DDX18: variants seen among roughly 807,000 people sequenced by gnomAD.
DDX18 encodes the protein DEAD-box helicase 18.
DDX18 carries 23 observed loss-of-function variants against 73.5 expected under a neutral mutation model. The observed-to-expected ratio is 0.31, with a 90% CI of 0.23 to 0.44. The LOEUF (loss-of-function observed/expected upper bound fraction) is 0.44. DDX18 is among the 20% of genes least tolerant of loss of function. DDX18 has a pLI of 1.00. For missense variants in DDX18, 753 were observed against 792.9 expected, an observed-to-expected ratio of 0.95 and a Z score of 0.60; for synonymous variants, 268 against 282.7, an observed-to-expected ratio of 0.95 and a Z score of 0.52.
intron 10 of DDX18, 33 bp from the exon 11 acceptor site, chr2:117,826,236 T>G (rs575659167): frequency 1.9e-6 from 3 of 1,591,428 alleles, no homozygotes; most frequent in South Asian, 2.2e-5. Flanking sequence ...TGGAAGTCAC[T>G]GCGTTAACTC....
chr2:117,830,547 C>CT (rs761579072), intron 13 of DDX18, 35 bp from the exon 14 acceptor site: 1 of 1,598,922 alleles, frequency 6.3e-7, no homozygotes, highest in South Asian at 1.1e-5. Flanking sequence ...AGTTCATTAT[C>CT]TTTTTTGCTT....
chr2:117,815,013 G>C (rs1477694043), intron 1 of DDX18, 151 bp downstream of exon 1: 6 of 723,864 alleles, frequency 8.3e-6, no homozygotes, highest in Non-Finnish European at 1.4e-5. Context: ...CTTCCACTCG[G>C]GACCCGCGCT....
At chr2:117,825,737 T>C (rs1558734317) in intron 10 of DDX18, 138 bp downstream of exon 10, 9 of 1,053,010 alleles carry the variant, frequency 8.5e-6, no homozygotes, top group Admixed American at 5.2e-5. Context: ...ATTTCTCTGG[T>C]ATTGAAAAGT....
At chr2:117,815,032 C>T (rs1218312488) in intron 1 of DDX18, 170 bp downstream of exon 1, 3 of 642,432 alleles carry the variant, frequency 4.7e-6, no homozygotes, top group African/African-American at 3.6e-5. Flanking sequence ...CTGCTGCCCA[C>T]TCGTCGCGTG....
chr2:117,825,131 C>T (rs1255811215), intron 9 of DDX18, 30 bp downstream of exon 9: 7 of 1,595,406 alleles, frequency 4.4e-6, no homozygotes, highest in Non-Finnish European at 6.0e-6. Flanking sequence ...TCATTGAAAA[C>T]AGGGTATGCT....
Position 117,831,821 on chromosome 2 carries a change from C to G in DDX18, c.*1097C>G, listed in dbSNP as rs1680030470. ...TTTTCGTTGTAGGAGCACTTGATTT[C>G]TAGTGTGTTTTGTACAGTATATAAC... is the stretch of plus-strand genomic sequence containing the variant. On this transcript the variant is annotated 3_prime_UTR_variant, in exon 14 of 14. Coordinates refer to ENST00000263239, the MANE Select transcript of DDX18 (RefSeq NM_006773.4). The G allele has an allele frequency of 6.6e-6, 1 of 152,142 alleles. No homozygotes were observed. The highest frequency in any genetic ancestry group is 2.4e-5 in the African/African-American group (1 of 41,426). 9.4% of individuals were successfully genotyped at this position (152,142 alleles called of 1,614,324 possible).
rs752740161 is a variant in DDX18 at position 117,824,562 on chromosome 2, G to A, written c.1067-7G>A. Reference sequence around the variant, plus strand: ...ATTGGGGTTATTTTTATATGTATCTGTTTCAGCACGTAGACAGACTATGCT... The same window carrying A: ...ATTGGGGTTATTTTTATATGTATCTATTTCAGCACGTAGACAGACTATGCT... On this transcript the variant is annotated splice_polypyrimidine_tract_variant and splice_region_variant and intron_variant, in intron 7 of 13. Coordinates refer to ENST00000263239, the MANE Select transcript of DDX18 (RefSeq NM_006773.4). 20 of 1,395,452 alleles carry A rather than the reference G, an allele frequency of 1.4e-5. No homozygotes were observed. Among genetic ancestry groups the A allele is most frequent in the Non-Finnish European group, 1.9e-5 (20 of 1,068,996 alleles). 86.4% of individuals were successfully genotyped at this position (1,395,452 alleles called of 1,614,324 possible).
chr2:117,828,134 T>C (rs1337652747), intron 11 of DDX18: 1 of 152,242 alleles, frequency 6.6e-6, no homozygotes, highest in African/African-American at 2.4e-5. Context: ...TTTTGAGAAG[T>C]GTGTGTTCAT....
chr2:117,829,103 C>A, intron 12 of DDX18, 98 bp downstream of exon 12: 4 of 1,235,938 alleles, frequency 3.2e-6, no homozygotes, highest in Non-Finnish European at 4.7e-6. Flanking sequence ...TGAAGTCTAC[C>A]CTGTCCTAAA....
intron 2 of DDX18, among the ~76,000 whole-genome samples, chr2:117,818,581 C>T (rs755037758): frequency 6.6e-6 from 1 of 152,210 alleles, no homozygotes; most frequent in Non-Finnish European, 1.5e-5. Context: ...ATTGCCTTCA[C>T]AATTCTTGTT....
intron 8 of DDX18, 37 bp downstream of exon 8, chr2:117,824,745 T>C: frequency 6.8e-7 from 1 of 1,475,044 alleles, no homozygotes; most frequent in Non-Finnish European, 9.0e-7. Flanking sequence ...GTAGGGATCT[T>C]ACTTGGTGTT....
rs1487337917 is a variant in DDX18 at position 117,831,806 on chromosome 2, A to G, written c.*1082A>G. ...TTTAGTCAGATGAGTTTTTCGTTGT[A>G]GGAGCACTTGATTTCTAGTGTGTTT... On this transcript the variant is annotated 3_prime_UTR_variant, in exon 14 of 14. Transcript: ENST00000263239. The G allele has an allele frequency of 6.6e-6, 1 of 152,358 alleles. No individual in the cohort carries two copies. The highest frequency in any genetic ancestry group is 3.4e-3 in the Middle Eastern group (1 of 294). 9.4% of individuals were successfully genotyped at this position (152,358 alleles called of 1,614,324 possible).
Position 117,814,754 on chromosome 2 carries a change from T to C in DDX18, c.-24T>C. 4 of 1,613,410 alleles carry C rather than the reference T, an allele frequency of 2.5e-6. No homozygotes were observed. Among genetic ancestry groups the C allele is most frequent in the African/African-American group, 1.3e-5 (1 of 75,028 alleles). On this transcript the variant is annotated 5_prime_UTR_variant, in exon 1 of 14. Transcript: ENST00000263239. ...TGAGTAGCTGTACTGTGTGGCGCCT[T>C]ATTCTAGGCACTTGTTGGGCAGAAT...
intron 1 of DDX18, among the ~76,000 whole-genome samples, chr2:117,816,594 C>T (rs1335328024): frequency 1.3e-5 from 2 of 152,126 alleles, no homozygotes; most frequent in African/African-American, 4.8e-5. Context: ...CCCTGAGGCT[C>T]TTTTACAGTC....
At chr2:117,820,193 T>C (rs1322641994) in intron 3 of DDX18, among the ~76,000 whole-genome samples, 1 of 152,248 alleles carries the variant, frequency 6.6e-6, no homozygotes, top group African/African-American at 2.4e-5. Context: ...TAACCAGATA[T>C]GTCTAGGAGT....
At chr2:117,820,905 T>C (rs977548359) in intron 3 of DDX18, among the ~76,000 whole-genome samples, 2 of 152,182 alleles carry the variant, frequency 1.3e-5, no homozygotes, top group African/African-American at 2.4e-5. Context: ...TTATATAAAT[T>C]CCTTGGTTAT....
intron 10 of DDX18, 173 bp downstream of exon 10, chr2:117,825,772 C>T (rs1328476420): frequency 2.5e-5 from 17 of 677,972 alleles, no homozygotes; most frequent in Non-Finnish European, 3.8e-5. Context: ...AGGGCTCAAA[C>T]GGGCTGTGCC....
Position 117,830,915 on chromosome 2 carries a change from C to G in DDX18, c.*191C>G. Reference sequence around the variant, plus strand: ...TTTTATTTCTGGGATATAAAACAGGCTTTAAGTTTCTTGGTTGCCCAAGGG... The same window carrying G: ...TTTTATTTCTGGGATATAAAACAGGGTTTAAGTTTCTTGGTTGCCCAAGGG... On this transcript the variant is annotated 3_prime_UTR_variant, in exon 14 of 14. Transcript: ENST00000263239. 1 of 624,450 alleles carries G rather than the reference C, an allele frequency of 1.6e-6. No homozygotes were observed. Among genetic ancestry groups the G allele is most frequent in the Non-Finnish European group, 2.6e-6 (1 of 377,974 alleles). The allele number at this position is 624,450 out of a possible 1,614,324, so 38.7% of individuals were successfully genotyped here. A position where few individuals can be genotyped will look rare whatever the true frequency, so the allele number is the denominator to read the frequency against.
intron 1 of DDX18, among the ~76,000 whole-genome samples, chr2:117,817,037 T>G (rs184287912): frequency 1.9e-4 from 29 of 152,310 alleles, no homozygotes; most frequent in African/African-American, 6.7e-4. Context: ...GTATGAAAAA[T>G]AGTACTTGTG....
Sources: gnomAD v4.1 joint callset for allele counts (sites outside exome capture counted in the v4.1 genomes callset) on GRCh38, gnomAD v4.1.1 for gene constraint, MANE v1.5 for transcripts, NCBI Gene and HGNC (gene_info 2026-07-23, HGNC 2026-07-21) for gene names.